Variants in POC1B observed in about 807,000 individuals in gnomAD.
POC1B encodes POC1 centriolar protein homolog B.
In POC1B, 44 loss-of-function variants were observed where a neutral mutation model predicts 60.6. That is an observed-to-expected ratio of 0.73 (90% CI 0.57 to 0.93). The LOEUF is 0.93. Ranked by LOEUF, POC1B falls within the 40% of genes least tolerant of loss-of-function variation. The pLI, the probability that POC1B is intolerant of heterozygous loss-of-function variation, is 0.00. For synonymous variants in POC1B, 180 were observed against 198.9 expected (o/e 0.90, Z 0.80); for missense variants, 555 against 572.3 (o/e 0.97, Z 0.31).
At chr12:89,427,171 A>C (rs1000961943) in intron 10 of POC1B, 4 of 152,248 alleles carry the variant, frequency 2.6e-5, no homozygotes, top group African/African-American at 9.6e-5. Context: ...TAATTAAGAC[A>C]GTGTGGCACT....
At chr12:89,448,993 C>T (rs1881921984) in intron 10 of POC1B, among the ~76,000 whole-genome samples, 1 of 152,188 alleles carries the variant, frequency 6.6e-6, no homozygotes, top group Non-Finnish European at 1.5e-5. Flanking sequence ...TTTTTCCCCA[C>T]AACCAGAGAT....
intron 10 of POC1B, among the ~76,000 whole-genome samples, chr12:89,443,637 C>T (rs1287085319): frequency 2.6e-5 from 4 of 151,092 alleles, no homozygotes; most frequent in Admixed American, 1.3e-4. Flanking sequence ...ACTAAATGCC[C>T]ACAAGAGAAA....
chr12:89,496,556 T>C (rs1370733883), intron 3 of POC1B, among the ~76,000 whole-genome samples: 1 of 152,188 alleles, frequency 6.6e-6, no homozygotes, highest in Non-Finnish European at 1.5e-5. Context: ...TTACATACTT[T>C]AAAGCTTAAA....
chr12:89,501,709 G>C, intron 2 of POC1B: 1 of 954,734 alleles, frequency 1.0e-6, no homozygotes. Context: ...GGTAAAATCA[G>C]AGGAGAGTCC....
At chr12:89,510,002 C>T (rs1592638700) in intron 2 of POC1B, among the ~76,000 whole-genome samples, 1 of 109,762 alleles carries the variant, frequency 9.1e-6, no homozygotes, top group African/African-American at 3.4e-5. Context: ...TGCGCCACCA[C>T]ACTCAGTTAA....
chr12:89,475,879 A>G (rs372437593), intron 4 of POC1B, among the ~76,000 whole-genome samples: 1 of 147,634 alleles, frequency 6.8e-6, no homozygotes, highest in Admixed American at 6.7e-5. Flanking sequence ...CTTAAACTTT[A>G]CTGGTATTCA....
intron 2 of POC1B, among the ~76,000 whole-genome samples, chr12:89,517,977 C>A (rs1372325467): frequency 1.3e-5 from 2 of 152,128 alleles, no homozygotes; most frequent in Non-Finnish European, 2.9e-5. Context: ...CACTGCTGGC[C>A]TGCAGTAGAT....
intron 4 of POC1B, among the ~76,000 whole-genome samples, chr12:89,490,468 C>T (rs1354911735): frequency 6.6e-6 from 1 of 152,082 alleles, no homozygotes; most frequent in Non-Finnish European, 1.5e-5. Flanking sequence ...CCTCAGTCTC[C>T]CAAGTAACTG....
intron 9 of POC1B, among the ~76,000 whole-genome samples, chr12:89,464,483 G>GTTTTTTTT (rs766668019): frequency 3.4e-4 from 32 of 94,734 alleles, no homozygotes; most frequent in African/African-American, 5.8e-4. Flanking sequence ...TTTTATAAGA[G>GTTTTTTTT]TTTTTTTTTT....
the POC1B span, among the ~76,000 whole-genome samples, chr12:89,411,026 A>G: frequency 2.0e-5 from 3 of 152,308 alleles, no homozygotes; most frequent in South Asian, 6.2e-4. Flanking sequence ...CACAATTGCT[A>G]TAAAGATAAT....
the POC1B span, among the ~76,000 whole-genome samples, chr12:89,410,597 G>A: frequency 2.0e-5 from 3 of 151,448 alleles, no homozygotes; most frequent in South Asian, 2.1e-4. Context: ...GGAGAATGGC[G>A]TGAACCTGAG....
At chr12:89,443,569 C>T (rs1260225366) in intron 10 of POC1B, among the ~76,000 whole-genome samples, 6 of 151,476 alleles carry the variant, frequency 4.0e-5, no homozygotes, top group African/African-American at 1.2e-4. Context: ...AACAAAGACA[C>T]AACATACCAG....
At chr12:89,470,529 G>A in intron 6 of POC1B, 35 bp from the exon 7 acceptor site, 1 of 1,515,726 alleles carries the variant, frequency 6.6e-7, no homozygotes, top group Non-Finnish European at 9.0e-7. Flanking sequence ...AAAGTTCAGA[G>A]AACAATTCTT....
downstream of POC1B, among the ~76,000 whole-genome samples, chr12:89,415,416 G>T (rs1565887881): frequency 1.3e-5 from 2 of 152,112 alleles, no homozygotes; most frequent in Non-Finnish European, 2.9e-5. Flanking sequence ...GGCCGAGGCG[G>T]GTGGATCACG....
At chr12:89,425,485 G>C (rs997567268) in intron 10 of POC1B, 106 bp from the exon 11 acceptor site, 3 of 760,510 alleles carry the variant, frequency 3.9e-6, no homozygotes, top group Non-Finnish European at 6.0e-6. Context: ...GGCTTACATT[G>C]AAGATTTATC....
Position 89,432,073 on chromosome 12 carries a change from T to C in POC1B, c.1114-6694A>G, listed in dbSNP as rs568129311. Among the ~76,000 whole-genome samples the C allele has an allele frequency of 5.9e-5, 9 of 152,212 alleles. No homozygotes were observed. In the South Asian group the frequency reaches 1.9e-3, roughly 32 times the overall value. On this transcript the variant is annotated intron_variant, in intron 10 of 11. Transcript: ENST00000313546. ...TGGGGCCCGGTCAGATAATCCAGGA[T>C]AACCTCCCCATCTCAAGAGCCTTAA...
intron 2 of POC1B, among the ~76,000 whole-genome samples, chr12:89,518,459 T>C (rs923395425): frequency 6.6e-6 from 1 of 152,220 alleles, no homozygotes; most frequent in Non-Finnish European, 1.5e-5. Context: ...AGAGAAATCT[T>C]TTCTGAGACA....
rs76439149 is a variant in POC1B at position 89,513,219 on chromosome 12, A to G, written c.100+11901T>C. On this transcript the variant is annotated intron_variant, in intron 2 of 11. Transcript: ENST00000313546. Reference sequence around the variant, plus strand: ...TAAGCTATAATAGGAGAAGCTCCACAAAGTACCACATAGGCTGCCATCAAG... The same window carrying G: ...TAAGCTATAATAGGAGAAGCTCCACGAAGTACCACATAGGCTGCCATCAAG... 6.6e-3 allele frequency among the ~76,000 whole-genome samples: 1,000 copies of G among 151,646 alleles called. 12 individuals are homozygous for G. The highest frequency in any genetic ancestry group is 0.023 in the African/African-American group (964 of 41,294).
intron 3 of POC1B, among the ~76,000 whole-genome samples, chr12:89,493,385 C>T (rs1231501582): frequency 1.3e-5 from 2 of 152,184 alleles, no homozygotes; most frequent in African/African-American, 4.8e-5. Flanking sequence ...ACTCAATACA[C>T]GTTGAATTCC....
Sources: allele counts gnomAD v4.1 joint callset (sites outside exome capture counted in the v4.1 genomes callset), GRCh38; gene constraint gnomAD v4.1.1; transcripts MANE v1.5; gene names NCBI Gene and HGNC (gene_info 2026-07-23, HGNC 2026-07-21).